GALNTL6: variants seen among roughly 807,000 people sequenced by gnomAD.
The protein encoded by GALNTL6 is polypeptide N-acetylgalactosaminyltransferase-like 6.
Under a neutral mutation model 73.7 loss-of-function variants are expected in GALNTL6, and 46 were observed. The observed-to-expected ratio is 0.62, with a 90% CI of 0.49 to 0.80. The LOEUF (loss-of-function observed/expected upper bound fraction) is 0.80. Among genes scored for constraint, GALNTL6 ranks in the 30% least tolerant of loss-of-function variants. The probability of loss-of-function intolerance (pLI) is 0.00; values close to 1 mark genes in which losing one functional copy is unlikely to be tolerated. For synonymous variants in GALNTL6, 259 were observed against 263.7 expected, an observed-to-expected ratio of 0.98 and a Z score of 0.17; for missense variants, 604 against 755.0, an observed-to-expected ratio of 0.80 and a Z score of 2.34.
intron 5 of GALNTL6, among the ~76,000 whole-genome samples, chr4:172,362,302 T>C (rs912202459): frequency 2.0e-5 from 3 of 152,142 alleles, no homozygotes; most frequent in African/African-American, 4.8e-5. Flanking sequence ...ATGAACTCTT[T>C]ATATGAGGAT....
chr4:172,468,001 C>T (rs909500077), intron 5 of GALNTL6, among the ~76,000 whole-genome samples: 1 of 151,408 alleles, frequency 6.6e-6, no homozygotes, highest in Non-Finnish European at 1.5e-5. Context: ...TCAGGTGATC[C>T]TCCTACTTCA....
At chr4:172,443,710 A>G (rs191688302) in intron 5 of GALNTL6, among the ~76,000 whole-genome samples, 2 of 152,324 alleles carry the variant, frequency 1.3e-5, no homozygotes, top group East Asian at 3.9e-4. Flanking sequence ...CAAATGTTTT[A>G]TGCTATTTTT....
At chr4:171,841,754 A>G (rs1735244434) in intron 2 of GALNTL6, among the ~76,000 whole-genome samples, 1 of 152,084 alleles carries the variant, frequency 6.6e-6, no homozygotes, top group African/African-American at 2.4e-5. Context: ...TAATTCCAGA[A>G]AAAAACCTTC....
At position 172,336,270 on chromosome 4, in the gene GALNTL6, G is replaced by GTTTTTTTT. The variant is rs138448149; in HGVS notation, c.387-12249_387-12248insTTTTTTTT. Among the ~76,000 whole-genome samples the GTTTTTTTT allele has an allele frequency of 3.4e-3, 374 of 108,410 alleles. 115 individuals are homozygous for GTTTTTTTT. Among genetic ancestry groups the GTTTTTTTT allele is most frequent in the African/African-American group, 7.5e-3 (201 of 26,844 alleles). The allele number at this position is 108,410 out of a possible 152,430, so 71.1% of individuals were successfully genotyped here. A position where few individuals can be genotyped will look rare whatever the true frequency, so the allele number is the denominator to read the frequency against. ...TGAGAACTCTTCTTGGTATAGTTTT[G>GTTTTTTTT]TTTTGTTTTTTTTTTTTTTTGACTG... On this transcript the variant is annotated intron_variant, in intron 4 of 12. Coordinates refer to ENST00000506823, the MANE Select transcript of GALNTL6 (RefSeq NM_001034845.3).
At chr4:172,494,994 C>T (rs1734022500) in intron 5 of GALNTL6, among the ~76,000 whole-genome samples, 1 of 152,130 alleles carries the variant, frequency 6.6e-6, no homozygotes, top group South Asian at 2.1e-4. Flanking sequence ...CATCATACAC[C>T]CTCACTGAAC....
chr4:172,620,636 A>G (rs1487101696), intron 5 of GALNTL6, among the ~76,000 whole-genome samples: 2 of 152,200 alleles, frequency 1.3e-5, no homozygotes, highest in African/African-American at 2.4e-5. Context: ...TACAGAAACT[A>G]TAAGCATTCC....
At chr4:172,325,819 A>T (rs1323989699) in intron 4 of GALNTL6, among the ~76,000 whole-genome samples, 1 of 151,878 alleles carries the variant, frequency 6.6e-6, no homozygotes, top group Non-Finnish European at 1.5e-5. Context: ...AATATATATA[A>T]ATACCCAAAG....
chr4:172,000,581 T>TAAGGGACCAGTCTGCAGGTGAACTCC (rs1740646211), intron 2 of GALNTL6, among the ~76,000 whole-genome samples: 4 of 152,118 alleles, frequency 2.6e-5, no homozygotes, highest in Non-Finnish European at 5.9e-5. Flanking sequence ...GCTCTGTGCA[T>TAAGGGACCAGTCTGCAGGTGAACTCC]AAGGGACCAG....
At chr4:172,174,489 C>G (rs1464140847) in intron 2 of GALNTL6, among the ~76,000 whole-genome samples, 1 of 151,966 alleles carries the variant, frequency 6.6e-6, no homozygotes, top group Non-Finnish European at 1.5e-5. Flanking sequence ...CCTCCACTTT[C>G]CAAAATTACT....
At chr4:172,123,072 A>G (rs1400055651) in intron 2 of GALNTL6, among the ~76,000 whole-genome samples, 1 of 152,234 alleles carries the variant, frequency 6.6e-6, no homozygotes, top group Non-Finnish European at 1.5e-5. Flanking sequence ...AAGCCAAACC[A>G]AGGCAGATTT....
chr4:172,887,585 A>G (rs546626061), intron 8 of GALNTL6, among the ~76,000 whole-genome samples: 1 of 121,740 alleles, frequency 8.2e-6, no homozygotes, highest in Non-Finnish European at 1.8e-5. Context: ...TATTTTTGAG[A>G]TCGAGTCTCA....
At chr4:172,052,330 G>A (rs1323109815) in intron 2 of GALNTL6, 1 of 681,480 alleles carries the variant, frequency 1.5e-6, no homozygotes, top group Non-Finnish European at 2.5e-6. Flanking sequence ...TATATTGTGA[G>A]CTTATTTAGA....
At chr4:171,945,268 G>T (rs1480348621) in intron 2 of GALNTL6, among the ~76,000 whole-genome samples, 2 of 152,024 alleles carry the variant, frequency 1.3e-5, no homozygotes, top group East Asian at 3.8e-4. Flanking sequence ...CTGAGAATTT[G>T]CATTAAAGAT....
intron 5 of GALNTL6, among the ~76,000 whole-genome samples, chr4:172,503,409 T>A (rs1291050774): frequency 6.6e-6 from 1 of 151,720 alleles, no homozygotes; most frequent in South Asian, 2.1e-4. Flanking sequence ...TTGGTTCCTA[T>A]GTTATATTTC....
At chr4:172,418,697 A>G (rs551822426) in intron 5 of GALNTL6, among the ~76,000 whole-genome samples, 106 of 152,274 alleles carry the variant, frequency 7.0e-4, no homozygotes, top group South Asian at 1.2e-3. Flanking sequence ...AACTGATAGA[A>G]CATCTAATAT....
intron 2 of GALNTL6, among the ~76,000 whole-genome samples, chr4:171,941,641 T>C (rs1348656611): frequency 1.3e-5 from 2 of 152,058 alleles, no homozygotes; most frequent in South Asian, 2.1e-4. Flanking sequence ...AGGGTTCTTC[T>C]GCTGTAGCTT....
chr4:172,926,304 T>C (rs1748056148), intron 8 of GALNTL6, among the ~76,000 whole-genome samples: 1 of 152,188 alleles, frequency 6.6e-6, no homozygotes, highest in African/African-American at 2.4e-5. Context: ...TACCACCACA[T>C]TGGAGATTAA....
chr4:171,822,381 T>A (rs1483482624), intron 2 of GALNTL6, among the ~76,000 whole-genome samples: 1 of 152,198 alleles, frequency 6.6e-6, no homozygotes, highest in Non-Finnish European at 1.5e-5. Flanking sequence ...GCCTCATCCC[T>A]TACAGAAGTA....
At chr4:172,669,044 A>G (rs1190506560) in intron 5 of GALNTL6, 3 of 152,216 alleles carry the variant, frequency 2.0e-5, no homozygotes, top group Non-Finnish European at 4.4e-5. Flanking sequence ...TCTGTAATAT[A>G]GATATTGGAA....
Sources: gnomAD v4.1 joint callset for allele counts (sites outside exome capture counted in the v4.1 genomes callset) on GRCh38, gnomAD v4.1.1 for gene constraint, MANE v1.5 for transcripts, NCBI Gene and HGNC (gene_info 2026-07-23, HGNC 2026-07-21) for gene names.